Variants in SLC36A1 observed in about 807,000 individuals in gnomAD.
SLC36A1 encodes proton-coupled amino acid transporter 1.
SLC36A1 carries 30 observed loss-of-function variants against 47.5 expected under a neutral mutation model. The ratio of observed to expected loss-of-function variants is 0.63; its 90% CI spans 0.47 to 0.86. SLC36A1 has a LOEUF of 0.86. Among genes scored for constraint, SLC36A1 ranks in the 40% least tolerant of loss-of-function variants. SLC36A1 has a pLI of 0.00. For synonymous variants in SLC36A1, 255 were observed against 249.7 expected (o/e 1.02, Z -0.20); for missense variants, 517 against 606.0 (o/e 0.85, Z 1.54).
the SLC36A1 span, among the ~76,000 whole-genome samples, chr5:151,379,648 T>TGAA: frequency 1.3e-5 from 2 of 152,216 alleles, no homozygotes; most frequent in African/African-American, 4.8e-5. Context: ...ACTTTAATTG[T>TGAA]GGCCACAGGG....
chr5:151,464,955 G>A (rs1253285904), intron 4 of SLC36A1, 119 bp from the exon 5 acceptor site: 5 of 770,834 alleles, frequency 6.5e-6, no homozygotes, highest in South Asian at 1.5e-5. Context: ...AGGACTCAGA[G>A]TGGTACCTCC....
chr5:151,555,285 C>T, the SLC36A1 span, among the ~76,000 whole-genome samples: 1 of 151,742 alleles, frequency 6.6e-6, no homozygotes, highest in African/African-American at 2.4e-5. Flanking sequence ...AGGTAAATAT[C>T]TGTTACTGAA....
chr5:151,467,922 T>C lies in SLC36A1; in HGVS notation c.720T>C (p.Val240=). 6.2e-7 allele frequency: 1 copy of C among 1,613,298 alleles called. No individual in the cohort carries two copies. The highest frequency in any genetic ancestry group is 8.5e-7 in the Non-Finnish European group (1 of 1,179,572). ...VSLVMIYQFI[V]QRIPDPSHLP... Reference sequence around the variant, plus strand: ...TGGTCATGATCTACCAGTTCATTGTTCAGGTACATGCCTAGGCCCTCTCCT... The same window carrying C: ...TGGTCATGATCTACCAGTTCATTGTCCAGGTACATGCCTAGGCCCTCTCCT... Residue 240 remains valine (V), a synonymous_variant, in exon 7 of 11, where the codon GTT becomes GTC. Coordinates refer to ENST00000243389, the MANE Select transcript of SLC36A1 (RefSeq NM_078483.4).
the SLC36A1 span, among the ~76,000 whole-genome samples, chr5:151,524,664 AG>A: frequency 3.9e-5 from 6 of 152,194 alleles, no homozygotes; most frequent in Admixed American, 2.0e-4. Flanking sequence ...CAGATAATAC[AG>A]TCATCCAAGC....
chr5:151,506,185 G>C, the SLC36A1 span: 1 of 1,397,454 alleles, frequency 7.2e-7, no homozygotes, highest in African/African-American at 1.5e-5. Context: ...AACCTAGCGA[G>C]TGGTGGAGAT....
At chr5:151,471,733 A>G (rs765065946) in intron 7 of SLC36A1, among the ~76,000 whole-genome samples, 1 of 152,202 alleles carries the variant, frequency 6.6e-6, no homozygotes, top group Non-Finnish European at 1.5e-5. Context: ...CAAAAGCAAT[A>G]TTACTGCTTT....
the SLC36A1 span, chr5:151,542,932 G>A: frequency 3.1e-6 from 5 of 1,614,210 alleles, no homozygotes; most frequent in Non-Finnish European, 4.2e-6. Context: ...GTTGCTCTCA[G>A]GTGTAGTGCC....
At chr5:151,529,128 AC>A in the SLC36A1 span, 1 of 1,525,172 alleles carries the variant, frequency 6.6e-7, no homozygotes, top group Non-Finnish European at 9.1e-7. Context: ...TGAGATAAGA[AC>A]CCATCCCAGA....
At chr5:151,499,943 G>A in the SLC36A1 span, among the ~76,000 whole-genome samples, 3 of 151,836 alleles carry the variant, frequency 2.0e-5, no homozygotes, top group Non-Finnish European at 2.9e-5. Context: ...CTCCTCTAGC[G>A]ATGCTCAAAG....
the SLC36A1 span, among the ~76,000 whole-genome samples, chr5:151,399,084 A>ATATATATATATATATATTTT: frequency 2.2e-4 from 13 of 60,032 alleles, no homozygotes; most frequent in African/African-American, 3.4e-4. Flanking sequence ...ATATATATAT[A>ATATATATATATATATATTTT]TTTTTTTTTT....
chr5:151,434,590 GAA>G (rs1459863673), upstream of SLC36A1, among the ~76,000 whole-genome samples: 23 of 152,052 alleles, frequency 1.5e-4, no homozygotes, highest in Admixed American at 1.4e-3. Flanking sequence ...AGAATAGAAT[GAA>G]AGACCTAAAT....
chr5:151,537,319 G>GGA, the SLC36A1 span, among the ~76,000 whole-genome samples: 1 of 82,882 alleles, frequency 1.2e-5, no homozygotes, highest in African/African-American at 7.5e-5. Context: ...GAAAAAGAAA[G>GGA]AGAAAAAAAG....
At chr5:151,441,466 T>G (rs10040628) in intron 1 of SLC36A1, among the ~76,000 whole-genome samples, 72,004 of 151,948 alleles carry the variant, frequency 0.47, 18,014 homozygotes, top group African/African-American at 0.64. Flanking sequence ...GACAAGTGGG[T>G]AGAAGGGGGA....
At chr5:151,436,935 T>G (rs1759803951), upstream of SLC36A1, 1 of 152,126 alleles carries the variant, frequency 6.6e-6, no homozygotes, top group African/African-American at 2.4e-5. Flanking sequence ...ACTTTTTCAG[T>G]GGCAATGGGT....
At chr5:151,493,012 ATG>A (rs542716230), downstream of SLC36A1, among the ~76,000 whole-genome samples, 4 of 151,680 alleles carry the variant, frequency 2.6e-5, no homozygotes, top group Non-Finnish European at 4.4e-5. Flanking sequence ...GTGTTCACAT[ATG>A]TGTGTGTGTG....
the SLC36A1 span, chr5:151,544,642 G>C: frequency 6.2e-7 from 1 of 1,614,136 alleles, no homozygotes; most frequent in African/African-American, 1.3e-5. Context: ...ATTTCTCACA[G>C]TGACAAGTAC....
intron 10 of SLC36A1, among the ~76,000 whole-genome samples, chr5:151,487,728 G>A (rs957066301): frequency 2.0e-5 from 3 of 152,152 alleles, no homozygotes; most frequent in East Asian, 1.9e-4. Flanking sequence ...TGCTGTAGCC[G>A]GAAAAGCTGA....
At chr5:151,472,341 C>T (rs749688390) in intron 7 of SLC36A1, among the ~76,000 whole-genome samples, 30 of 152,354 alleles carry the variant, frequency 2.0e-4, no homozygotes, top group Middle Eastern at 3.4e-3. Flanking sequence ...GGCCACTGGC[C>T]GAGCTGGCAG....
chr5:151,345,613 C>T, the SLC36A1 span, among the ~76,000 whole-genome samples: 6 of 152,216 alleles, frequency 3.9e-5, no homozygotes, highest in African/African-American at 9.6e-5. Flanking sequence ...CATCGCTGAC[C>T]GAGCACTACA....
Sources: gnomAD v4.1 joint callset for allele counts (sites outside exome capture counted in the v4.1 genomes callset) on GRCh38, gnomAD v4.1.1 for gene constraint, MANE v1.5 for transcripts, NCBI Gene and HGNC (gene_info 2026-07-23, HGNC 2026-07-21) for gene names.